CLEC4G: variants seen among roughly 807,000 people sequenced by gnomAD.
CLEC4G encodes C-type lectin domain family 4 member G.
A neutral mutation model predicts 37.0 loss-of-function variants in CLEC4G; 34 were observed. That is an observed-to-expected ratio of 0.92 (90% CI 0.70 to 1.22). The LOEUF is 1.22. Ranked by LOEUF, CLEC4G falls within the 50% of genes most tolerant of loss-of-function variation. CLEC4G has a pLI of 0.00. For synonymous variants in CLEC4G, 167 were observed against 165.6 expected (o/e 1.01, Z -0.06); for missense variants, 390 against 392.9 (o/e 0.99, Z 0.06).
At position 7,730,230 on chromosome 19, in the gene CLEC4G, A is replaced by C. The variant is rs1445084384; in HGVS notation, c.479-63T>G. ...CAGGGGCAACGCACCGAGAGGATGC[A>C]GTGGGTAGGGGTTCGGCCCCGCGGG... On this transcript the variant is annotated intron_variant, in intron 6 of 8. Coordinates refer to ENST00000328853, the MANE Select transcript of CLEC4G (RefSeq NM_198492.4). The surrounding 1 kb of genome is among the most constrained non-coding windows in gnomAD (Gnocchi z 7.3). 1 of 1,592,640 alleles carries C rather than the reference A, an allele frequency of 6.3e-7. No individual in the cohort carries two copies. Among genetic ancestry groups the C allele is most frequent in the African/African-American group, 1.3e-5 (1 of 74,500 alleles).
intron 1 of CLEC4G, 29 bp from the exon 2 acceptor site, chr19:7,731,800 C>A: frequency 6.2e-7 from 1 of 1,601,422 alleles, no homozygotes; most frequent in Non-Finnish European, 8.5e-7. Flanking sequence ...CATGCTGGGT[C>A]CCCCAGAACT....
In CLEC4G at chr19:7,729,417, C is replaced by A. The variant is rs1163798830; in HGVS notation, c.831G>T (p.Pro277=). 1.9e-6 allele frequency: 3 copies of A among 1,607,330 alleles called. No individual in the cohort carries two copies. The highest frequency in any genetic ancestry group is 2.6e-6 in the Non-Finnish European group (3 of 1,173,996). ...MLHTGLWNDA[P]CDSEKDGWIC... is the part of the protein sequence containing the mutation. ...TCCAGCCGTCCTTCTCGCTGTCACA[C>A]GGTGCGTCGTTCCACAGCCCCGTGT... Residue 277 remains proline, a synonymous_variant, in exon 9 of 9, where the codon CCG becomes CCT. Coordinates refer to ENST00000328853, the MANE Select transcript of CLEC4G (RefSeq NM_198492.4).
rs1256835906 is a variant in CLEC4G at position 7,729,190 on chromosome 19, CAGAGCCCAGGCACTGG to C, written c.*160_*175del. On this transcript the variant is annotated 3_prime_UTR_variant, in exon 9 of 9. Transcript: ENST00000328853. ...TAGGATGAGGTCGGCATGGAGGTCC[CAGAGCCCAGGCACTGG>C]GCTGGACAGGGCTATGTTGGGCCAA... The C allele has an allele frequency of 1.4e-6, 1 of 698,216 alleles. No individual in the cohort carries two copies. Among genetic ancestry groups the C allele is most frequent in the Non-Finnish European group, 2.6e-6 (1 of 382,302 alleles). 43.3% of individuals were successfully genotyped at this position (698,216 alleles called of 1,614,324 possible).
At chr19:7,731,947 TC>T in intron 1 of CLEC4G, 100 bp downstream of exon 1, 1 of 1,453,194 alleles carries the variant, frequency 6.9e-7, no homozygotes, top group South Asian at 1.2e-5. Flanking sequence ...CTGTGGTGTC[TC>T]TCCTGCACCC....
intron 2 of CLEC4G, 153 bp from the exon 3 acceptor site, chr19:7,731,472 C>A (rs536261425): frequency 4.1e-6 from 6 of 1,472,402 alleles, no homozygotes; most frequent in Non-Finnish European, 5.4e-6. Context: ...GACAAACGCG[C>A]GGGGACTCGC....
In CLEC4G at chr19:7,729,113, A is replaced by G; in HGVS notation, c.*253T>C. 1 of 629,550 alleles carries G rather than the reference A, an allele frequency of 1.6e-6. No homozygotes were observed. Among genetic ancestry groups the G allele is most frequent in the Non-Finnish European group, 3.0e-6 (1 of 335,770 alleles). The allele number at this position is 629,550 out of a possible 1,614,324, so 39.0% of individuals were successfully genotyped here. Reference sequence around the variant, plus strand: ...TGGAGGCATATCACGGGGACGCAGGAGCAGGGATTTTGGAGCTAGTGGAGG... The same window carrying G: ...TGGAGGCATATCACGGGGACGCAGGGGCAGGGATTTTGGAGCTAGTGGAGG... On this transcript the variant is annotated 3_prime_UTR_variant, in exon 9 of 9. Coordinates refer to ENST00000328853, the MANE Select transcript of CLEC4G (RefSeq NM_198492.4).
chr19:7,729,408 G>T lies in CLEC4G; in HGVS notation c.840C>A (p.Ser280Arg), dbSNP rs896867457. 3.7e-6 allele frequency: 6 copies of T among 1,607,876 alleles called. No individual in the cohort carries two copies. Among genetic ancestry groups the T allele is most frequent in the Non-Finnish European group, 5.1e-6 (6 of 1,174,582 alleles). ...TCTCACAGATCCAGCCGTCCTTCTCGCTGTCACACGGTGCGTCGTTCCACA... is the reference window on the plus strand; with the variant it reads ...TCTCACAGATCCAGCCGTCCTTCTCTCTGTCACACGGTGCGTCGTTCCACA... ...TGLWNDAPCD[S>R]EKDGWICEKR... Residue 280 changes from serine to arginine, a missense_variant, in exon 9 of 9, where the codon AGC becomes AGA. Ser to Arg is a moderately radical substitution (Grantham distance 110). Transcript: ENST00000328853.
chr19:7,730,884 C>A lies in CLEC4G; in HGVS notation c.284-25G>T, dbSNP rs2033419513. The A allele has an allele frequency of 6.6e-7, 1 of 1,525,760 alleles. No individual in the cohort carries two copies. Among genetic ancestry groups the A allele is most frequent in the Non-Finnish European group, 8.8e-7 (1 of 1,142,750 alleles). The allele number at this position is 1,525,760 out of a possible 1,614,324, so 94.5% of individuals were successfully genotyped here. A position where few individuals can be genotyped will look rare whatever the true frequency, so the allele number is the denominator to read the frequency against. On this transcript the variant is annotated intron_variant, in intron 4 of 8. Transcript: ENST00000328853. The surrounding 1 kb of genome is among the most constrained non-coding windows in gnomAD (Gnocchi z 7.3). ...CCTGGGAGCCGCAGGGTGAGAGGGGCGAGGGCGGCGAGGATGGGGCGGGAC... is the reference window on the plus strand; with the variant it reads ...CCTGGGAGCCGCAGGGTGAGAGGGGAGAGGGCGGCGAGGATGGGGCGGGAC...
chr19:7,731,832 C>T, intron 1 of CLEC4G, 61 bp from the exon 2 acceptor site: 1 of 1,566,064 alleles, frequency 6.4e-7, no homozygotes, highest in South Asian at 1.2e-5. Context: ...GCCTGAGTTA[C>T]TCCCAGGAAA....
chr19:7,729,695 G>A (rs747847527), intron 8 of CLEC4G, 126 bp downstream of exon 8: 41 of 1,482,470 alleles, frequency 2.8e-5, no homozygotes, highest in Non-Finnish European at 3.4e-5. Context: ...ACAGTTCCTG[G>A]GGTCCAGCCT....
At chr19:7,731,600 G>A in intron 2 of CLEC4G, 61 bp downstream of exon 2, 2 of 1,588,346 alleles carry the variant, frequency 1.3e-6, no homozygotes, top group Non-Finnish European at 1.7e-6. Flanking sequence ...GCGCCATGCA[G>A]TGGGGGTTTT....
In CLEC4G at chr19:7,729,914, C is replaced by A; in HGVS notation, c.650G>T (p.Arg217Leu). The A allele has an allele frequency of 1.2e-6, 2 of 1,614,154 alleles. No individual in the cohort carries two copies. Among genetic ancestry groups the A allele is most frequent in the South Asian group, 2.2e-5 (2 of 91,084 alleles). ...DEQGFLTRNT[R>L]GRGYWLGLRA... ...CAGGCCCAGCCAGTAACCACGGCCA[C>A]GCGTGTTCCGAGTGAGGAAGCCCTA... The change falls in exon 8 of 9, where the codon CGT becomes CTT. Residue 217 changes from arginine to leucine, a missense_variant. Transcript: ENST00000328853.
Position 7,731,311 on chromosome 19 carries a change from C to A in CLEC4G, c.175G>T (p.Glu59Ter). 2 of 1,577,178 alleles carry A rather than the reference C, an allele frequency of 1.3e-6. No individual in the cohort carries two copies. The highest frequency in any genetic ancestry group is 2.3e-5 in the South Asian group (2 of 86,828). The change falls in exon 3 of 9, where the codon GAG (glutamate) becomes TAG (stop). Residue 59 changes from glutamate to a stop codon, truncating the protein, a stop_gained. Coordinates refer to ENST00000328853, the MANE Select transcript of CLEC4G (RefSeq NM_198492.4). LOFTEE classifies it high-confidence loss of function. ...LSILLSKAST[E>*]RAALLDGHDL... The stretch of plus-strand genomic sequence containing the variant: ...TGGCCGTCAAGCAGCGCCGCGCGCT[C>A]CGTGGAGGCTGAGGAGAGAGGCTCC...
rs542175091 is a variant in CLEC4G at position 7,729,218 on chromosome 19, C to T, written c.*148G>A. 4.2e-6 allele frequency: 3 copies of T among 711,338 alleles called. No homozygotes were observed. The African/African-American group carries it at 5.2e-5, about 12-fold the overall frequency. The allele number at this position is 711,338 out of a possible 1,614,324, so 44.1% of individuals were successfully genotyped here. A position where few individuals can be genotyped will look rare whatever the true frequency, so the allele number is the denominator to read the frequency against. ...AGCCCAGGCACTGGGCTGGACAGGG[C>T]TATGTTGGGCCAAGTGTTTCTGAGA... is the stretch of plus-strand genomic sequence containing the variant. On this transcript the variant is annotated 3_prime_UTR_variant, in exon 9 of 9. Coordinates refer to ENST00000328853, the MANE Select transcript of CLEC4G (RefSeq NM_198492.4).
rs142096689 is a variant in CLEC4G at position 7,729,003 on chromosome 19, A to C, written c.*363T>G. 2.5e-3 allele frequency: 962 copies of C among 378,010 alleles called. 10 individuals are homozygous for C. Among genetic ancestry groups the C allele is most frequent in the Non-Finnish European group, 2.1e-3 (399 of 194,312 alleles). 23.4% of individuals were successfully genotyped at this position (378,010 alleles called of 1,614,324 possible). A position where few individuals can be genotyped will look rare whatever the true frequency, so the allele number is the denominator to read the frequency against. On this transcript the variant is annotated 3_prime_UTR_variant, in exon 9 of 9. Coordinates refer to ENST00000328853, the MANE Select transcript of CLEC4G (RefSeq NM_198492.4). ...ATTTATTGATGCTTCCTCAGGCTGCAAAAACAGCTTCCAGTTTGGTGGAAA... is the reference window on the plus strand; with the variant it reads ...ATTTATTGATGCTTCCTCAGGCTGCCAAAACAGCTTCCAGTTTGGTGGAAA...
In CLEC4G at chr19:7,731,787, C is replaced by G; in HGVS notation, c.56-16G>C. ...CCCCAGGGCCCTGGCATAACAAGGA[C>G]GGCATGCTGGGTCCCCCAGAACTGA... On this transcript the variant is annotated splice_polypyrimidine_tract_variant and intron_variant, in intron 1 of 8. Transcript: ENST00000328853. 2 of 1,608,524 alleles carry G rather than the reference C, an allele frequency of 1.2e-6. No homozygotes were observed.
Position 7,730,472 on chromosome 19 carries a change from G to GGGGTCA in CLEC4G, c.389-38_389-33dup. ...GGTCAAGGGAGCGGGGATTATGGCT[G>GGGGTCA]GGGTCAGGGCCAGGACCAGGGTCAT... On this transcript the variant is annotated intron_variant, in intron 5 of 8. Transcript: ENST00000328853. The surrounding 1 kb of genome is among the most constrained non-coding windows in gnomAD (Gnocchi z 7.3). 4 of 1,596,310 alleles carry GGGGTCA rather than the reference G, an allele frequency of 2.5e-6. No homozygotes were observed. The highest frequency in any genetic ancestry group is 1.7e-5 in the Admixed American group (1 of 59,326).
Position 7,729,938 on chromosome 19 carries a change from TA to T in CLEC4G, c.628-3del, listed in dbSNP as rs2033401439. On this transcript the variant is annotated splice_polypyrimidine_tract_variant and splice_region_variant and intron_variant, in intron 7 of 8. Coordinates refer to ENST00000328853, the MANE Select transcript of CLEC4G (RefSeq NM_198492.4). Reference sequence around the variant, plus strand: ...ACGCGTGTTCCGAGTGAGGAAGCCCTAGAAAGGAGGGGACATCTGAGCCTGC... The same window carrying T: ...ACGCGTGTTCCGAGTGAGGAAGCCCTGAAAGGAGGGGACATCTGAGCCTGC... 6.2e-7 allele frequency: 1 copy of T among 1,613,730 alleles called. No homozygotes were observed. Among genetic ancestry groups the T allele is most frequent in the Non-Finnish European group, 8.5e-7 (1 of 1,179,910 alleles).
At position 7,729,514 on chromosome 19, in the gene CLEC4G, G is replaced by C. The variant is rs1268469489; in HGVS notation, c.744-10C>G. ...TCCCTGGTTCCAGTGGCTACAGGGG[G>C]GTTGAGTGGGGGTGTTGCTGGGAAT... On this transcript the variant is annotated splice_polypyrimidine_tract_variant and intron_variant, in intron 8 of 8. Coordinates refer to ENST00000328853, the MANE Select transcript of CLEC4G (RefSeq NM_198492.4). The C allele has an allele frequency of 6.3e-7, 1 of 1,580,250 alleles. No homozygotes were observed. The highest frequency in any genetic ancestry group is 8.6e-7 in the Non-Finnish European group (1 of 1,157,666).
Sources: allele counts gnomAD v4.1 joint callset, GRCh38; gene constraint gnomAD v4.1.1; non-coding constraint Gnocchi (gnomAD v3.1); transcripts MANE v1.5; gene names NCBI Gene and HGNC (gene_info 2026-07-23, HGNC 2026-07-21).